The following ANK2 variants were observed in gnomAD, a reference collection of about 807,000 sequenced individuals.
ANK2 encodes ankyrin 2.
In ANK2, 83 loss-of-function variants were observed where a neutral mutation model predicts 360.5. The ratio of observed to expected loss-of-function variants is 0.23; its 90% confidence interval spans 0.19 to 0.28. The LOEUF (loss-of-function observed/expected upper bound fraction) is 0.28. Ranked by LOEUF, ANK2 falls within the 10% of genes least tolerant of loss-of-function variation. The probability of loss-of-function intolerance (pLI) is 1.00; values close to 1 mark genes in which losing one functional copy is unlikely to be tolerated. For synonymous variants in ANK2, 1,740 were observed against 1,759.5 expected, an observed-to-expected ratio of 0.99 and a Z score of 0.28; for missense variants, 4,201 against 4,795.7, an observed-to-expected ratio of 0.88 and a Z score of 3.66.
intron 14 of ANK2, among the ~76,000 whole-genome samples, chr4:113,271,160 A>G (rs1249857404): frequency 6.6e-6 from 1 of 152,234 alleles, no homozygotes; most frequent in African/African-American, 2.4e-5. Flanking sequence ...TTCAAATGTA[A>G]AGAGAGCCCC....
chr4:112,770,577 G>A, the ANK2 span, among the ~76,000 whole-genome samples: 8 of 152,160 alleles, frequency 5.3e-5, 1 homozygote, highest in Admixed American at 2.0e-4. Context: ...ATAGAGGCAT[G>A]TGCCTGTAAT....
intron 1 of ANK2, among the ~76,000 whole-genome samples, chr4:113,091,113 C>T (rs1353660022): frequency 2.0e-5 from 3 of 152,180 alleles, no homozygotes; most frequent in African/African-American, 7.2e-5. Flanking sequence ...GGTACAGGTT[C>T]TGCCCATCTT....
chr4:113,364,846 C>T (rs1053760712), intron 40 of ANK2, among the ~76,000 whole-genome samples, 193 bp from the exon 41 acceptor site: 6 of 152,138 alleles, frequency 3.9e-5, no homozygotes, highest in African/African-American at 1.4e-4. Context: ...ACTTTTAGGG[C>T]TTTTGCCCAT....
intron 1 of ANK2, among the ~76,000 whole-genome samples, chr4:113,060,563 T>G (rs1306640876): frequency 6.6e-6 from 1 of 152,008 alleles, no homozygotes; most frequent in African/African-American, 2.4e-5. Context: ...ACAACAATCT[T>G]TTACACAATT....
At chr4:113,171,119 A>G (rs2097926303) in intron 1 of ANK2, among the ~76,000 whole-genome samples, 1 of 152,180 alleles carries the variant, frequency 6.6e-6, no homozygotes, top group South Asian at 2.1e-4. Context: ...AAAACAGTCT[A>G]TTTTAAAAGC....
intron 1 of ANK2, among the ~76,000 whole-genome samples, chr4:113,158,306 A>G (rs2097376064): frequency 6.6e-6 from 1 of 152,258 alleles, no homozygotes; most frequent in Non-Finnish European, 1.5e-5. Flanking sequence ...CATAGTGAAC[A>G]TCAGTATAAA....
At chr4:113,123,105 G>T (rs1158777913) in intron 1 of ANK2, among the ~76,000 whole-genome samples, 1 of 151,514 alleles carries the variant, frequency 6.6e-6, no homozygotes, top group Non-Finnish European at 1.5e-5. Context: ...TACTATGAGG[G>T]ATTGACTTAT....
chr4:113,045,151 T>C (rs558418457), upstream of ANK2, among the ~76,000 whole-genome samples: 35 of 152,310 alleles, frequency 2.3e-4, no homozygotes, highest in Admixed American at 4.6e-4. Context: ...ATGTTATGAA[T>C]TTAAATAGTG....
At chr4:112,840,649 A>G (rs1043886307) in intron 1 of ANK2, among the ~76,000 whole-genome samples, 1 of 152,214 alleles carries the variant, frequency 6.6e-6, no homozygotes, top group Admixed American at 6.5e-5. Flanking sequence ...TGCAAAGATA[A>G]AACAATAAGA....
chr4:112,960,559 T>G (rs1297276828), intron 2 of ANK2, among the ~76,000 whole-genome samples: 2 of 152,206 alleles, frequency 1.3e-5, no homozygotes, highest in East Asian at 3.8e-4. Flanking sequence ...TAAAATAAAC[T>G]ATTAGTCTCC....
At chr4:113,144,166 A>G (rs1644914282) in intron 1 of ANK2, among the ~76,000 whole-genome samples, 1 of 152,180 alleles carries the variant, frequency 6.6e-6, no homozygotes, top group African/African-American at 2.4e-5. Context: ...TGGGAAGTTA[A>G]AGTAATTTCA....
the ANK2 span, among the ~76,000 whole-genome samples, chr4:112,778,213 G>A: frequency 2.6e-5 from 4 of 151,290 alleles, no homozygotes; most frequent in South Asian, 2.1e-4. Flanking sequence ...CAAGTGATCC[G>A]CCTGCCTCAG....
At chr4:113,372,711 C>A in intron 43 of ANK2, 1 of 978,548 alleles carries the variant, frequency 1.0e-6, no homozygotes, top group South Asian at 1.4e-5. Flanking sequence ...GAAGGCTTGG[C>A]ATGTTCCTTA....
intron 22 of ANK2, among the ~76,000 whole-genome samples, chr4:113,294,835 T>C (rs1189219558): frequency 2.0e-5 from 3 of 152,212 alleles, no homozygotes; most frequent in Non-Finnish European, 4.4e-5. Context: ...ACCATACTTG[T>C]AGGTCACTAT....
chr4:113,235,339 G>C (rs2099363292), intron 5 of ANK2, among the ~76,000 whole-genome samples: 1 of 152,062 alleles, frequency 6.6e-6, no homozygotes, highest in Admixed American at 6.5e-5. Context: ...AATGTGTTGT[G>C]TTTAAAATTC....
intron 4 of ANK2, among the ~76,000 whole-genome samples, chr4:113,204,607 A>G (rs1286105126): frequency 2.6e-5 from 4 of 152,212 alleles, no homozygotes; most frequent in Non-Finnish European, 5.9e-5. Context: ...ACATGGAAAA[A>G]TTTGAGGCAT....
intron 1 of ANK2, among the ~76,000 whole-genome samples, chr4:112,903,202 C>A (rs903944536): frequency 1.3e-5 from 2 of 152,184 alleles, no homozygotes; most frequent in African/African-American, 4.8e-5. Flanking sequence ...CAATAATTTG[C>A]GTCTCTGACG....
rs1285068719 is a variant in ANK2, at chr4:113,343,014, C to T, written c.4123-3C>T. ...ATTGTTATTTCTCTCTGTTTTCACT[C>T]AGGTGTTAGAAGGAAAACCCATCTA... On this transcript the variant is annotated splice_polypyrimidine_tract_variant and splice_region_variant and intron_variant, in intron 33 of 45. Transcript: ENST00000357077. 1.9e-6 allele frequency: 3 copies of T among 1,613,882 alleles called. No individual in the cohort carries two copies. The highest frequency in any genetic ancestry group is 2.5e-6 in the Non-Finnish European group (3 of 1,179,892).
intron 4 of ANK2, among the ~76,000 whole-genome samples, chr4:113,212,232 A>AT (rs1296768796): frequency 6.6e-6 from 1 of 152,014 alleles, no homozygotes; most frequent in African/African-American, 2.4e-5. Flanking sequence ...ATTATATCTT[A>AT]TTTTTTTCAA....
Sources: allele counts gnomAD v4.1 joint callset (sites outside exome capture counted in the v4.1 genomes callset), GRCh38; gene constraint gnomAD v4.1.1; transcripts MANE v1.5; gene names NCBI Gene and HGNC (gene_info 2026-07-23, HGNC 2026-07-21).